The following BLK variants were observed in gnomAD, a reference collection of about 807,000 sequenced individuals.
The protein encoded by BLK is tyrosine-protein kinase Blk.
BLK carries 64 observed loss-of-function variants against 61.8 expected under a neutral mutation model. The ratio of observed to expected loss-of-function variants is 1.03; its 90% CI spans 0.85 to 1.27. The LOEUF (loss-of-function observed/expected upper bound fraction) is 1.27. Among genes scored for constraint, BLK ranks in the 50% most tolerant of loss-of-function variants. BLK has a pLI of 0.00. For missense variants in BLK, 853 were observed against 660.5 expected, an observed-to-expected ratio of 1.29 and a Z score of -3.19; for synonymous variants, 351 against 272.0, an observed-to-expected ratio of 1.29 and a Z score of -2.86.
intron 2 of BLK, among the ~76,000 whole-genome samples, chr8:11,544,598 T>C (rs577949819): frequency 6.6e-6 from 1 of 152,324 alleles, no homozygotes; most frequent in African/African-American, 2.4e-5. Flanking sequence ...AATTATATGA[T>C]AATAAGTAGT....
chr8:11,533,705 G>A (rs1799997431), intron 1 of BLK, among the ~76,000 whole-genome samples: 1 of 152,034 alleles, frequency 6.6e-6, no homozygotes, highest in Non-Finnish European at 1.5e-5. Context: ...CTAGTTTACA[G>A]GGTCCTCATG....
rs559577253 is a variant in BLK, at chr8:11,511,998, C to T, written c.-2+17407C>T. On this transcript the variant is annotated intron_variant, in intron 1 of 12. Transcript: ENST00000259089. ...TGATTGTTTGATTATTTAATTTATT[C>T]GTTCAAAGAAGAGAAAGATTTACTG... is the stretch of plus-strand genomic sequence containing the variant. Among the ~76,000 whole-genome samples, 12 of 152,258 alleles carry T rather than the reference C, an allele frequency of 7.9e-5. No individual in the cohort carries two copies. The South Asian group carries it at 8.3e-4, about 11-fold the overall frequency.
intron 1 of BLK, 58 bp from the exon 2 acceptor site, chr8:11,543,166 G>A: frequency 6.2e-7 from 1 of 1,610,914 alleles, no homozygotes. Context: ...TCCCCTCTGT[G>A]CAGAGGATCT....
intron 2 of BLK, among the ~76,000 whole-genome samples, chr8:11,544,986 C>T (rs1016366382): frequency 6.6e-6 from 1 of 152,080 alleles, no homozygotes; most frequent in Non-Finnish European, 1.5e-5. Flanking sequence ...TACCCAGAAT[C>T]TGTTTATCAT....
chr8:11,510,077 A>C (rs1354560028), intron 1 of BLK, among the ~76,000 whole-genome samples: 1 of 152,130 alleles, frequency 6.6e-6, no homozygotes, highest in Non-Finnish European at 1.5e-5. Context: ...TTTTTGTATC[A>C]CCATAGCAGG....
At chr8:11,505,753 C>T (rs544287239) in intron 1 of BLK, among the ~76,000 whole-genome samples, 52 of 152,296 alleles carry the variant, frequency 3.4e-4, no homozygotes, top group African/African-American at 1.2e-3. Flanking sequence ...GGCCAAGTCT[C>T]CCATTGAGGC....
Position 11,555,492 on chromosome 8 carries a change from T to C in BLK, c.772+8T>C, listed in dbSNP as rs778620889. 3.1e-6 allele frequency: 5 copies of C among 1,613,948 alleles called. No individual in the cohort carries two copies. The highest frequency in any genetic ancestry group is 4.2e-6 in the Non-Finnish European group (5 of 1,180,020). On this transcript the variant is annotated splice_region_variant and intron_variant, in intron 8 of 12. Coordinates refer to ENST00000259089, the MANE Select transcript of BLK (RefSeq NM_001715.3). ...TCGGCGAAGTCTGGATGGGTGAGTG[T>C]GTGCACACGTGGGAGCATTTCTCCC...
intron 11 of BLK, among the ~76,000 whole-genome samples, chr8:11,562,342 A>G (rs568758551): frequency 4.2e-4 from 64 of 152,270 alleles, no homozygotes; most frequent in Admixed American, 1.5e-3. Flanking sequence ...TGCTGAGCCT[A>G]TGAGTCAGAT....
chr8:11,500,715 G>C (rs1360636515), intron 1 of BLK, among the ~76,000 whole-genome samples: 3 of 151,676 alleles, frequency 2.0e-5, no homozygotes, highest in African/African-American at 7.3e-5. Flanking sequence ...TTTTTACCAT[G>C]TTGTCTAGGC....
chr8:11,522,166 T>C (rs1226394128), intron 1 of BLK, among the ~76,000 whole-genome samples: 1 of 152,180 alleles, frequency 6.6e-6, no homozygotes, highest in Non-Finnish European at 1.5e-5. Context: ...ATTATGTGTT[T>C]AGTTGGCATT....
intron 6 of BLK, among the ~76,000 whole-genome samples, chr8:11,551,516 C>A (rs1359366988): frequency 6.6e-6 from 1 of 152,146 alleles, no homozygotes; most frequent in Non-Finnish European, 1.5e-5. Context: ...TTCTCAGGAC[C>A]GAGGGTTAGG....
intron 1 of BLK, among the ~76,000 whole-genome samples, chr8:11,533,152 T>C (rs1405277737): frequency 2.0e-5 from 3 of 152,220 alleles, no homozygotes; most frequent in Non-Finnish European, 4.4e-5. Context: ...TAATTTTAAA[T>C]CTCTGCCTCT....
intron 1 of BLK, among the ~76,000 whole-genome samples, chr8:11,508,789 G>A (rs879867994): frequency 2.0e-5 from 3 of 152,232 alleles, no homozygotes; most frequent in African/African-American, 7.2e-5. Context: ...CAACTGTGAT[G>A]GGGGCCGGTC....
At chr8:11,530,847 G>A (rs1563445671) in intron 1 of BLK, among the ~76,000 whole-genome samples, 1 of 152,190 alleles carries the variant, frequency 6.6e-6, no homozygotes, top group Non-Finnish European at 1.5e-5. Flanking sequence ...AAGTCTTTCT[G>A]TGGTCATATG....
chr8:11,543,483 G>A, intron 2 of BLK, 136 bp downstream of exon 2: 1 of 1,279,006 alleles, frequency 7.8e-7, no homozygotes, highest in Non-Finnish European at 1.1e-6. Flanking sequence ...AAGCAGGTGT[G>A]CCATGCAATA....
rs568054323 is a variant in BLK at position 11,563,072 on chromosome 8, T to C, written c.1274T>C (p.Leu425Pro). 91 of 1,613,934 alleles carry C rather than the reference T, an allele frequency of 5.6e-5. No individual in the cohort carries two copies. The highest frequency in any genetic ancestry group is 7.5e-5 in the Non-Finnish European group (88 of 1,180,020). ...GACGTGTGGTCGTTTGGAGTCCTCC[T>C]GATGGAAGTTGTCACTTATGGGCGG... ...KADVWSFGVL[L>P]MEVVTYGRVP... The change falls in exon 12 of 13, where the codon CTG becomes CCG. Residue 425 changes from leucine (L) to proline (P), a missense_variant. Coordinates refer to ENST00000259089, the MANE Select transcript of BLK (RefSeq NM_001715.3).
At chr8:11,542,757 C>T (rs970520197) in intron 1 of BLK, among the ~76,000 whole-genome samples, 11 of 152,188 alleles carry the variant, frequency 7.2e-5, no homozygotes, top group African/African-American at 2.4e-4. Flanking sequence ...AGGGAGAGAA[C>T]GTTAGTCATC....
At chr8:11,553,636 G>C (rs1358037305) in intron 6 of BLK, 1 of 179,814 alleles carries the variant, frequency 5.6e-6, no homozygotes, top group Non-Finnish European at 1.2e-5. Flanking sequence ...CCAGGCTCGG[G>C]TTCCTTAGAG....
In BLK at chr8:11,561,450, A is replaced by C. The variant is rs750632024; in HGVS notation, c.1178A>C (p.Glu393Ala). 5 of 1,613,772 alleles carry C rather than the reference A, an allele frequency of 3.1e-6. No homozygotes were observed. The Admixed American group carries it at 6.7e-5, about 22-fold the overall frequency. The change falls in exon 11 of 13, where the codon GAG (glutamate) becomes GCG (alanine). Residue 393 changes from glutamate (E) to alanine (A), a missense_variant and splice_region_variant. Coordinates refer to ENST00000259089, the MANE Select transcript of BLK (RefSeq NM_001715.3). ...ATCGACAGTGAATACACGGCCCAAGAGGGTAAGCACAGCCCCTAACCACAA... is the reference window on the plus strand; with the variant it reads ...ATCGACAGTGAATACACGGCCCAAGCGGGTAAGCACAGCCCCTAACCACAA... ...RIIDSEYTAQ[E>A]GAKFPIKWTA...
Sources: gnomAD v4.1 joint callset for allele counts (sites outside exome capture counted in the v4.1 genomes callset) on GRCh38, gnomAD v4.1.1 for gene constraint, MANE v1.5 for transcripts, NCBI Gene and HGNC (gene_info 2026-07-23, HGNC 2026-07-21) for gene names.